The following OGDH variants were observed in gnomAD, a reference collection of about 807,000 sequenced individuals.
OGDH encodes the protein oxoglutarate dehydrogenase.
Under a neutral mutation model 116.6 loss-of-function variants are expected in OGDH, and 38 were observed. The observed-to-expected ratio is 0.33, with a 90% CI of 0.25 to 0.43. The LOEUF is 0.43. Among genes scored for constraint, OGDH ranks in the 20% least tolerant of loss-of-function variants. OGDH has a pLI of 1.00. For synonymous variants in OGDH, 488 were observed against 533.3 expected (o/e 0.92, Z 1.17); for missense variants, 825 against 1,357.2 (o/e 0.61, Z 6.16).
intron 1 of OGDH, 66 bp downstream of exon 1, chr7:44,606,719 T>C (rs1052767240): frequency 1.3e-5 from 2 of 152,340 alleles, no homozygotes; most frequent in Non-Finnish European, 2.9e-5. Context: ...GGCCCGGGGT[T>C]GGAGATCGCG....
chr7:44,694,646 G>A lies in OGDH; in HGVS notation c.1668+70G>A. On this transcript the variant is annotated intron_variant, in intron 12 of 22. Coordinates refer to ENST00000222673, the MANE Select transcript of OGDH (RefSeq NM_002541.4). This position sits in a 1 kb window ranked among gnomAD's most constrained non-coding sequence, Gnocchi z 4.2. ...CGATGACTAGAAAAGGTGGGCCACA[G>A]GGCCAGTTCTCACTTTTGCCAGTTA... 1 of 1,572,218 alleles carries A rather than the reference G, an allele frequency of 6.4e-7. No homozygotes were observed. Among genetic ancestry groups the A allele is most frequent in the Non-Finnish European group, 8.7e-7 (1 of 1,146,796 alleles).
At chr7:44,687,254 C>A (rs1418766848) in intron 10 of OGDH, among the ~76,000 whole-genome samples, 2 of 151,280 alleles carry the variant, frequency 1.3e-5, no homozygotes, top group Non-Finnish European at 2.9e-5. Context: ...CTTGCCACCA[C>A]CCCTGGCTGA....
intron 1 of OGDH, among the ~76,000 whole-genome samples, chr7:44,607,821 C>T (rs547878312): frequency 7.3e-4 from 111 of 152,232 alleles, no homozygotes; most frequent in Admixed American, 2.6e-3. Context: ...CCTGCCTCAG[C>T]CTCCCAAGTA....
chr7:44,668,176 C>T (rs1368205223), intron 5 of OGDH, among the ~76,000 whole-genome samples: 4 of 152,194 alleles, frequency 2.6e-5, no homozygotes, highest in African/African-American at 7.2e-5. Flanking sequence ...CAGTGTCTCA[C>T]GCCTATAGTC....
At chr7:44,668,384 G>A (rs1430339664) in intron 5 of OGDH, among the ~76,000 whole-genome samples, 1 of 152,158 alleles carries the variant, frequency 6.6e-6, no homozygotes, top group Non-Finnish European at 1.5e-5. Flanking sequence ...TGCAGTGAGC[G>A]AAGATCGCGC....
intron 10 of OGDH, among the ~76,000 whole-genome samples, chr7:44,689,764 T>C (rs1428009240): frequency 6.6e-6 from 1 of 152,206 alleles, no homozygotes; most frequent in Non-Finnish European, 1.5e-5. Flanking sequence ...GTCTTTTTAT[T>C]GTTGAGTTGT....
At chr7:44,623,791 A>G (rs564806813) in intron 1 of OGDH, among the ~76,000 whole-genome samples, 1 of 152,130 alleles carries the variant, frequency 6.6e-6, no homozygotes, top group Non-Finnish European at 1.5e-5. Flanking sequence ...GTCTACAGGC[A>G]TGCACCACCA....
At chr7:44,607,112 G>T (rs993145476) in intron 1 of OGDH, among the ~76,000 whole-genome samples, 2 of 152,224 alleles carry the variant, frequency 1.3e-5, no homozygotes, top group Non-Finnish European at 2.9e-5. Context: ...TGAGGACCGC[G>T]TCGCTTTGTC....
At chr7:44,690,175 T>C (rs980962417) in intron 10 of OGDH, among the ~76,000 whole-genome samples, 9 of 152,302 alleles carry the variant, frequency 5.9e-5, no homozygotes, top group African/African-American at 1.7e-4. Context: ...GAAGCAGATA[T>C]TAGTTGAATG....
chr7:44,612,865 TTTTTCTTTTC>T (rs367833555), intron 1 of OGDH, among the ~76,000 whole-genome samples: 5 of 147,484 alleles, frequency 3.4e-5, no homozygotes, highest in Admixed American at 6.7e-5. Flanking sequence ...CTGGCTGTTT[TTTTTCTTTTC>T]TTTTCTTTTC....
At chr7:44,624,014 G>T (rs919617291) in intron 1 of OGDH, among the ~76,000 whole-genome samples, 1 of 152,040 alleles carries the variant, frequency 6.6e-6, no homozygotes, top group South Asian at 2.1e-4. Flanking sequence ...GCTCGCACAG[G>T]CATCCTGTGT....
Position 44,694,884 on chromosome 7 carries a change from G to A in OGDH, c.1668+308G>A, listed in dbSNP as rs1489654587. On this transcript the variant is annotated intron_variant, in intron 12 of 22. Coordinates refer to ENST00000222673, the MANE Select transcript of OGDH (RefSeq NM_002541.4). The surrounding 1 kb of genome is among the most constrained non-coding windows in gnomAD (Gnocchi z 4.2). ...AATTGTGCATGGTTGAGAGGTGGGT[G>A]GTGGATCCAGCTTGGTAAGGGGCCT... is the stretch of plus-strand genomic sequence containing the variant. Among the ~76,000 whole-genome samples, 1 of 152,136 alleles carries A rather than the reference G, an allele frequency of 6.6e-6. No homozygotes were observed. Among genetic ancestry groups the A allele is most frequent in the Non-Finnish European group, 1.5e-5 (1 of 68,012 alleles).
chr7:44,675,240 T>A lies in OGDH; in HGVS notation c.998T>A (p.Phe333Tyr). The change falls in exon 8 of 23, where the codon TTC becomes TAC. Residue 333 changes from phenylalanine to tyrosine, a missense_variant. Phe to Tyr is a conservative substitution (Grantham distance 22, BLOSUM62 3). Around this residue, in one of 7 missense-constraint regions of OGDH, gnomAD observed 5 missense variants for 36.3 expected, o/e 0.14. Transcript: ENST00000222673. ...RKELEQIFCQ[F>Y]DSKLEAADEG... ...GAGCTGGAACAGATCTTCTGTCAAT[T>A]CGATTCAAAGCTGGAGGCAGCTGAT... 1.2e-6 allele frequency: 2 copies of A among 1,614,090 alleles called. No homozygotes were observed. The highest frequency in any genetic ancestry group is 1.7e-6 in the Non-Finnish European group (2 of 1,180,008).
intron 18 of OGDH, 126 bp downstream of exon 18, chr7:44,698,389 G>A: frequency 2.0e-6 from 2 of 977,306 alleles, no homozygotes; most frequent in South Asian, 2.9e-5. Flanking sequence ...TCCATCCTGG[G>A]GAGCTCACGT....
At chr7:44,618,381 A>T (rs561326621) in intron 1 of OGDH, among the ~76,000 whole-genome samples, 1 of 152,230 alleles carries the variant, frequency 6.6e-6, no homozygotes, top group African/African-American at 2.4e-5. Context: ...AGAAAGCCCT[A>T]TGTCCATTGA....
rs934542284 is a variant in OGDH, at chr7:44,674,640, G to A, written c.935+83G>A. ...GGCACCAGGTAAAGGCACTGAGAGA[G>A]CAGCTGTTTCCTCCTTGAGTGCCAG... On this transcript the variant is annotated intron_variant, in intron 7 of 22. Transcript: ENST00000222673. 4.0e-6 allele frequency: 6 copies of A among 1,493,174 alleles called. No individual in the cohort carries two copies. In the African/African-American group the frequency reaches 4.1e-5, roughly 10 times the overall value. The allele number at this position is 1,493,174 out of a possible 1,614,324, so 92.5% of individuals were successfully genotyped here.
Position 44,693,787 on chromosome 7 carries a change from G to A in OGDH, c.1336-38G>A, listed in dbSNP as rs369283772. On this transcript the variant is annotated intron_variant, in intron 10 of 22. Transcript: ENST00000222673. ...GCCCTCTGGTCCCTGTGCCGGCTGT[G>A]CCAGGTGCCCTCTTGCTAGGCTACA... 138 of 1,532,840 alleles carry A rather than the reference G, an allele frequency of 9.0e-5. No homozygotes were observed. The South Asian group carries it at 1.6e-3, about 18-fold the overall frequency. The allele number at this position is 1,532,840 out of a possible 1,614,324, so 95.0% of individuals were successfully genotyped here.
chr7:44,645,004 G>A (rs1408545553), intron 2 of OGDH, among the ~76,000 whole-genome samples: 3 of 152,208 alleles, frequency 2.0e-5, no homozygotes, highest in Non-Finnish European at 4.4e-5. Context: ...CCCAGGCCCA[G>A]TGAATAGGAA....
At chr7:44,647,417 A>G in intron 3 of OGDH, 5 of 1,494,950 alleles carry the variant, frequency 3.3e-6, no homozygotes, top group South Asian at 1.2e-5. Flanking sequence ...GATCTGCTTA[A>G]TGACTTGCTT....
Sources: allele counts gnomAD v4.1 joint callset (sites outside exome capture counted in the v4.1 genomes callset), GRCh38; gene constraint gnomAD v4.1.1; regional missense constraint gnomAD v4.1.1; non-coding constraint Gnocchi (gnomAD v3.1); transcripts MANE v1.5; gene names NCBI Gene and HGNC (gene_info 2026-07-23, HGNC 2026-07-21).